ZBTB20: variants seen among roughly 807,000 people sequenced by gnomAD.
The protein encoded by ZBTB20 is zinc finger and BTB domain-containing protein 20.
Under a neutral mutation model 56.9 loss-of-function variants are expected in ZBTB20, and 9 were observed. The observed-to-expected ratio is 0.16, with a 90% CI of 0.10 to 0.28. ZBTB20 has a LOEUF of 0.28. Among genes scored for constraint, ZBTB20 ranks in the 10% least tolerant of loss-of-function variants. The pLI is 1.00. For missense variants in ZBTB20, 655 were observed against 1,003.0 expected, an observed-to-expected ratio of 0.65 and a Z score of 4.69; for synonymous variants, 417 against 420.7, an observed-to-expected ratio of 0.99 and a Z score of 0.11.
At chr3:114,763,865 T>G (rs2068604634) in intron 5 of ZBTB20, among the ~76,000 whole-genome samples, 2 of 152,116 alleles carry the variant, frequency 1.3e-5, no homozygotes, top group Admixed American at 1.3e-4. Context: ...TAAAATGTAA[T>G]CAAACCTCTG....
At chr3:114,353,181 A>G (rs1235309328) in intron 10 of ZBTB20, among the ~76,000 whole-genome samples, 2 of 152,180 alleles carry the variant, frequency 1.3e-5, no homozygotes, top group Non-Finnish European at 2.9e-5. Flanking sequence ...GGAAAGTGAA[A>G]TAAGTGGGCT....
At chr3:114,663,226 C>A (rs570678316) in intron 6 of ZBTB20, among the ~76,000 whole-genome samples, 14 of 145,160 alleles carry the variant, frequency 9.6e-5, no homozygotes, top group Non-Finnish European at 1.8e-4. Flanking sequence ...AGAGTGGGGG[C>A]CAATATTCAA....
intron 4 of ZBTB20, among the ~76,000 whole-genome samples, chr3:114,813,029 A>T (rs1435174326): frequency 6.6e-6 from 1 of 151,770 alleles, no homozygotes; most frequent in Admixed American, 6.6e-5. Flanking sequence ...TCCCGCCCGC[A>T]CCTCTCCCTC....
In ZBTB20 at chr3:115,110,137, G is replaced by C. The variant is rs535633784; in HGVS notation, c.-703+37082C>G. Among the ~76,000 whole-genome samples, 31 of 152,156 alleles carry C rather than the reference G, an allele frequency of 2.0e-4. 1 individual carries two copies. The East Asian group carries it at 6.0e-3, about 29-fold the overall frequency. On this transcript the variant is annotated intron_variant, in intron 1 of 11. Transcript: ENST00000675478. ...TGAGGCAAGAGAATCACTTGAACCC[G>C]GGAGGCGGAGGTTGCAGTGAGCAGA...
intron 4 of ZBTB20, among the ~76,000 whole-genome samples, chr3:114,839,168 A>G (rs771393006): frequency 2.0e-5 from 3 of 152,058 alleles, no homozygotes; most frequent in Non-Finnish European, 4.4e-5. Flanking sequence ...TGGGAGGCCA[A>G]AGTGGGCAGA....
In ZBTB20 at chr3:114,338,852, T is replaced by G; in HGVS notation, c.*153A>C. The G allele has an allele frequency of 1.2e-6, 1 of 856,824 alleles. No individual in the cohort carries two copies. Among genetic ancestry groups the G allele is most frequent in the Non-Finnish European group, 1.7e-6 (1 of 595,674 alleles). The allele number at this position is 856,824 out of a possible 1,614,324, so 53.1% of individuals were successfully genotyped here. The stretch of plus-strand genomic sequence containing the variant: ...TGTACCAGCAGGCAAAAAACAGTTC[T>G]TCATGTAGTACAAAATGAAACGAAA... On this transcript the variant is annotated 3_prime_UTR_variant, in exon 12 of 12. Coordinates refer to ENST00000675478, the MANE Select transcript of ZBTB20 (RefSeq NM_001348800.3).
intron 5 of ZBTB20, among the ~76,000 whole-genome samples, chr3:114,754,846 A>T (rs1264310115): frequency 6.6e-6 from 1 of 152,222 alleles, no homozygotes; most frequent in Non-Finnish European, 1.5e-5. Context: ...ATCACATATT[A>T]TTGAGTATGT....
chr3:114,748,197 C>T (rs2108631483), intron 5 of ZBTB20, among the ~76,000 whole-genome samples: 1 of 152,066 alleles, frequency 6.6e-6, no homozygotes, highest in Admixed American at 6.5e-5. Flanking sequence ...ATTCAAAGAC[C>T]CAGAATCTTA....
chr3:115,146,246 G>T (rs1014796352), intron 1 of ZBTB20, among the ~76,000 whole-genome samples: 3 of 152,108 alleles, frequency 2.0e-5, no homozygotes, highest in African/African-American at 7.2e-5. Context: ...GCCATATTGT[G>T]TTTTTCGCTA....
intron 7 of ZBTB20, among the ~76,000 whole-genome samples, chr3:114,470,792 G>A (rs565362278): frequency 2.3e-4 from 35 of 152,140 alleles, no homozygotes; most frequent in Admixed American, 2.3e-3. Context: ...TCTTTTCTTT[G>A]TGTAATTGAC....
chr3:115,124,042 G>C (rs1331704234), intron 1 of ZBTB20, among the ~76,000 whole-genome samples: 2 of 152,098 alleles, frequency 1.3e-5, no homozygotes, highest in Non-Finnish European at 2.9e-5. Flanking sequence ...GTGTTGAAAA[G>C]AACCAATGAG....
chr3:114,709,453 TC>T (rs1438532975), intron 5 of ZBTB20, among the ~76,000 whole-genome samples: 4 of 151,950 alleles, frequency 2.6e-5, no homozygotes, highest in Non-Finnish European at 5.9e-5. Flanking sequence ...GTGGAGAAAA[TC>T]CGAGCCATGA....
intron 7 of ZBTB20, among the ~76,000 whole-genome samples, chr3:114,498,152 A>G (rs1373993905): frequency 6.6e-6 from 1 of 152,236 alleles, no homozygotes; most frequent in African/African-American, 2.4e-5. Context: ...ATAAGAACCA[A>G]GTTTCCCAAA....
At chr3:114,489,425 C>A (rs1018183204) in intron 7 of ZBTB20, among the ~76,000 whole-genome samples, 1 of 151,994 alleles carries the variant, frequency 6.6e-6, no homozygotes, top group African/African-American at 2.4e-5. Context: ...TTATCTAGGG[C>A]ATGGTTAGGT....
At chr3:114,873,153 G>A (rs1560347131) in intron 4 of ZBTB20, 1 of 152,096 alleles carries the variant, frequency 6.6e-6, no homozygotes, top group Admixed American at 6.6e-5. Context: ...AATATCATGA[G>A]AAACTATCAT....
chr3:115,074,578 T>C (rs1170299937), intron 1 of ZBTB20, among the ~76,000 whole-genome samples: 1 of 152,176 alleles, frequency 6.6e-6, no homozygotes, highest in Non-Finnish European at 1.5e-5. Flanking sequence ...AGAAATAGCA[T>C]ACACCTCCTG....
rs2078900978 is a variant in ZBTB20, at chr3:114,321,719, C to T, written c.*17286G>A. ...TGTCAGAAAATACTGCTTTTGGTTT[C>T]TTTTAACTTTGAGCTGTCCTTGGTT... On this transcript the variant is annotated 3_prime_UTR_variant, in exon 12 of 12. Coordinates refer to ENST00000675478, the MANE Select transcript of ZBTB20 (RefSeq NM_001348800.3). The T allele has an allele frequency of 6.7e-6, 1 of 150,228 alleles. No individual in the cohort carries two copies. The highest frequency in any genetic ancestry group is 2.1e-4 in the South Asian group (1 of 4,818). The allele number at this position is 150,228 out of a possible 1,614,324, so 9.3% of individuals were successfully genotyped here.
At chr3:114,952,689 A>G (rs2077111403) in intron 3 of ZBTB20, among the ~76,000 whole-genome samples, 1 of 152,070 alleles carries the variant, frequency 6.6e-6, no homozygotes, top group African/African-American at 2.4e-5. Context: ...AGAAAATCAC[A>G]CATTATCTGT....
At chr3:114,644,357 G>T (rs1276776608) in intron 6 of ZBTB20, among the ~76,000 whole-genome samples, 4 of 152,070 alleles carry the variant, frequency 2.6e-5, no homozygotes, top group Non-Finnish European at 1.5e-5. Flanking sequence ...GAACAAATTT[G>T]CCAGTGCCAC....
Sources: allele counts gnomAD v4.1 joint callset (sites outside exome capture counted in the v4.1 genomes callset), GRCh38; gene constraint gnomAD v4.1.1; transcripts MANE v1.5; gene names NCBI Gene and HGNC (gene_info 2026-07-23, HGNC 2026-07-21).